CLASP1: variants seen among roughly 807,000 people sequenced by gnomAD.
CLASP1 encodes CLIP-associating protein 1.
Under a neutral mutation model 192.3 loss-of-function variants are expected in CLASP1, and 38 were observed. That is an observed-to-expected ratio of 0.20 (90% CI 0.15 to 0.26). CLASP1 has a LOEUF of 0.26. Ranked by LOEUF, CLASP1 falls within the 10% of genes least tolerant of loss-of-function variation. The pLI is 1.00. For synonymous variants in CLASP1, 691 were observed against 712.8 expected, an observed-to-expected ratio of 0.97 and a Z score of 0.49; for missense variants, 1,433 against 1,932.5, an observed-to-expected ratio of 0.74 and a Z score of 4.85.
At chr2:121,563,629 G>C (rs902784017) in intron 2 of CLASP1, among the ~76,000 whole-genome samples, 1 of 152,046 alleles carries the variant, frequency 6.6e-6, no homozygotes, top group African/African-American at 2.4e-5. Flanking sequence ...CCAACTTTTT[G>C]TAAAACAAAA....
intron 1 of CLASP1, among the ~76,000 whole-genome samples, chr2:121,635,949 C>T (rs910183755): frequency 1.3e-5 from 2 of 152,214 alleles, no homozygotes; most frequent in African/African-American, 4.8e-5. Context: ...CGCCTGTTAT[C>T]CCAACCCTTT....
At chr2:121,440,214 C>T (rs1010930970) in intron 19 of CLASP1, among the ~76,000 whole-genome samples, 1 of 151,812 alleles carries the variant, frequency 6.6e-6, no homozygotes. Flanking sequence ...GGGAACACAG[C>T]TATACAGCTT....
intron 7 of CLASP1, chr2:121,503,678 T>G (rs2093838684): frequency 6.5e-6 from 1 of 153,660 alleles, no homozygotes; most frequent in African/African-American, 2.4e-5. Flanking sequence ...CAAAGGCTTG[T>G]GCTTATTGCT....
At chr2:121,515,712 T>C in exon 7 of CLASP1, 1 of 1,613,986 alleles carries the variant, frequency 6.2e-7, no homozygotes, top group Non-Finnish European at 8.5e-7. Context: ...TCACACGTTC[T>C]CCTACATGTC....
At chr2:121,512,440 T>C (rs1331597333) in intron 7 of CLASP1, among the ~76,000 whole-genome samples, 3 of 152,220 alleles carry the variant, frequency 2.0e-5, no homozygotes, top group South Asian at 4.1e-4. Context: ...ATTTATTTTC[T>C]GAACATATAT....
chr2:121,443,713 C>A (rs762377546), intron 19 of CLASP1, among the ~76,000 whole-genome samples: 2 of 152,140 alleles, frequency 1.3e-5, no homozygotes, highest in Non-Finnish European at 2.9e-5. Context: ...TTCTCTAGTT[C>A]CTTCCAAACT....
At chr2:121,601,394 T>A (rs761560143) in intron 2 of CLASP1, among the ~76,000 whole-genome samples, 11 of 151,652 alleles carry the variant, frequency 7.3e-5, no homozygotes, top group Admixed American at 3.3e-4. Context: ...TACCTCAGCC[T>A]CCCAAGTAGC....
intron 30 of CLASP1, among the ~76,000 whole-genome samples, chr2:121,388,725 CA>C (rs952104959): frequency 1.3e-5 from 2 of 151,190 alleles, no homozygotes; most frequent in Non-Finnish European, 3.0e-5. Flanking sequence ...AAAGCTAAGC[CA>C]AAAAAAATTT....
chr2:121,507,776 A>G (rs949675759), intron 7 of CLASP1, among the ~76,000 whole-genome samples: 1 of 152,222 alleles, frequency 6.6e-6, no homozygotes, highest in Admixed American at 6.5e-5. Context: ...GCAACAATGG[A>G]GAACCCACTC....
chr2:121,377,441 G>A, intron 34 of CLASP1, 58 bp downstream of exon 35: 1 of 1,228,568 alleles, frequency 8.1e-7, no homozygotes. Context: ...GTGTTCAGAA[G>A]TCTCATTATC....
chr2:121,600,827 C>T (rs1413506832), intron 2 of CLASP1, among the ~76,000 whole-genome samples: 1 of 152,242 alleles, frequency 6.6e-6, no homozygotes, highest in Non-Finnish European at 1.5e-5. Context: ...CCCTCCTTCA[C>T]ATGGTCACAT....
intron 1 of CLASP1, among the ~76,000 whole-genome samples, chr2:121,613,945 T>C (rs947325224): frequency 6.6e-6 from 1 of 152,242 alleles, no homozygotes; most frequent in Admixed American, 6.5e-5. Flanking sequence ...CTGGCATTTT[T>C]ACTGCAGCTG....
intron 14 of CLASP1, 140 bp from the exon 15 acceptor site, chr2:121,451,989 TA>T: frequency 1.5e-6 from 1 of 674,864 alleles, no homozygotes; most frequent in East Asian, 2.7e-5. Context: ...AAACAGAACA[TA>T]AAGAATGAAT....
chr2:121,435,091 CAGA>C (rs2082078205), intron 19 of CLASP1, among the ~76,000 whole-genome samples: 1 of 152,056 alleles, frequency 6.6e-6, no homozygotes, highest in South Asian at 2.1e-4. Flanking sequence ...GAGGCCTAGG[CAGA>C]AGGACAGCTT....
chr2:121,528,529 CAG>C (rs2104699182), intron 4 of CLASP1, 146 bp downstream of exon 4: 8 of 643,782 alleles, frequency 1.2e-5, no homozygotes, highest in South Asian at 1.1e-4. Flanking sequence ...CATGGGGAAA[CAG>C]ATTGAATGCT....
chr2:121,354,150 C>A (rs913528023), intron 37 of CLASP1, among the ~76,000 whole-genome samples: 2 of 152,174 alleles, frequency 1.3e-5, no homozygotes, highest in Non-Finnish European at 2.9e-5. Context: ...CTTGGATTTA[C>A]ATTTTTCCTA....
At chr2:121,643,605 T>C (rs2072569232) in intron 1 of CLASP1, among the ~76,000 whole-genome samples, 1 of 151,562 alleles carries the variant, frequency 6.6e-6, no homozygotes, top group Admixed American at 6.6e-5. Flanking sequence ...AATCTGGCCA[T>C]TATTATTATG....
At chr2:121,592,785 T>C (rs2062570869) in intron 2 of CLASP1, among the ~76,000 whole-genome samples, 1 of 152,162 alleles carries the variant, frequency 6.6e-6, no homozygotes, top group Non-Finnish European at 1.5e-5. Context: ...CCCGTGTAGC[T>C]GGGACTATAG....
At chr2:121,410,891 A>G in exon 24 of CLASP1, 3 of 1,611,516 alleles carry the variant, frequency 1.9e-6, no homozygotes, top group Non-Finnish European at 2.5e-6. Flanking sequence ...AGCAGCTTCA[A>G]GATCTGTACT....
Sources: gnomAD v4.1 joint callset for allele counts (sites outside exome capture counted in the v4.1 genomes callset) on GRCh38, gnomAD v4.1.1 for gene constraint, MANE v1.5 for transcripts, NCBI Gene and HGNC (gene_info 2026-07-23, HGNC 2026-07-21) for gene names.